LSAMP: variants seen among roughly 807,000 people sequenced by gnomAD.
LSAMP encodes the protein limbic system-associated membrane protein.
Under a neutral mutation model 38.6 loss-of-function variants are expected in LSAMP, and 7 were observed. That is an observed-to-expected ratio of 0.18 (90% confidence interval 0.10 to 0.34). The LOEUF (loss-of-function observed/expected upper bound fraction) is 0.34, where lower values mean the gene tolerates loss of function less well. Among genes scored for constraint, LSAMP ranks in the 10% least tolerant of loss-of-function variants. The pLI is 1.00. For missense variants in LSAMP, 313 were observed against 420.0 expected (o/e 0.75, Z 2.23); for synonymous variants, 154 against 166.8 (o/e 0.92, Z 0.59).
chr3:116,295,990 C>T (rs1379705735), intron 1 of LSAMP, among the ~76,000 whole-genome samples: 2 of 152,188 alleles, frequency 1.3e-5, no homozygotes, highest in East Asian at 3.9e-4. Context: ...CACTCATTCC[C>T]GCTAAGTTTA....
At chr3:115,853,678 G>C (rs902268636) in intron 3 of LSAMP, among the ~76,000 whole-genome samples, 3 of 152,154 alleles carry the variant, frequency 2.0e-5, no homozygotes, top group Non-Finnish European at 4.4e-5. Context: ...AAATGAGATT[G>C]GGTAGCAGGA....
At chr3:116,103,007 C>G (rs531886551) in intron 1 of LSAMP, among the ~76,000 whole-genome samples, 7 of 151,958 alleles carry the variant, frequency 4.6e-5, no homozygotes, top group Non-Finnish European at 2.9e-5. Context: ...TACCCACCCC[C>G]CCAAAAAAAA....
intron 1 of LSAMP, among the ~76,000 whole-genome samples, chr3:116,097,422 A>G (rs1431467539): frequency 6.6e-6 from 1 of 152,214 alleles, no homozygotes; most frequent in Non-Finnish European, 1.5e-5. Context: ...GTCTTGTCAT[A>G]TATGCCATTA....
intron 1 of LSAMP, among the ~76,000 whole-genome samples, chr3:116,368,454 T>C (rs1303057469): frequency 6.6e-6 from 1 of 152,156 alleles, no homozygotes; most frequent in Non-Finnish European, 1.5e-5. Context: ...TTAATATCCA[T>C]TGCTGACAGT....
intron 2 of LSAMP, among the ~76,000 whole-genome samples, chr3:116,021,356 T>A (rs187756175): frequency 1.3e-5 from 2 of 152,130 alleles, no homozygotes; most frequent in African/African-American, 4.8e-5. Flanking sequence ...TGATGGCTTG[T>A]TAAGGATGAG....
chr3:115,972,561 A>G (rs1230588177), intron 3 of LSAMP, among the ~76,000 whole-genome samples: 4 of 151,652 alleles, frequency 2.6e-5, no homozygotes, highest in Admixed American at 1.3e-4. Flanking sequence ...TTTGAATTCA[A>G]ATAAAATTCA....
chr3:115,852,319 C>T (rs1488975657), intron 4 of LSAMP, among the ~76,000 whole-genome samples, 164 bp downstream of exon 4: 1 of 152,206 alleles, frequency 6.6e-6, no homozygotes, highest in East Asian at 1.9e-4. Flanking sequence ...AATTCAAAGA[C>T]CAAGTCCTGC....
At chr3:115,853,292 C>G (rs1184587845) in intron 3 of LSAMP, among the ~76,000 whole-genome samples, 1 of 152,212 alleles carries the variant, frequency 6.6e-6, no homozygotes, top group African/African-American at 2.4e-5. Flanking sequence ...TGTTCTATAT[C>G]AAACTACATC....
chr3:116,409,318 G>T (rs1407342817), intron 1 of LSAMP, among the ~76,000 whole-genome samples: 1 of 151,998 alleles, frequency 6.6e-6, no homozygotes, highest in Non-Finnish European at 1.5e-5. Flanking sequence ...ACTGCTGAGG[G>T]ACATCTCAAG....
intron 1 of LSAMP, among the ~76,000 whole-genome samples, chr3:116,286,368 A>G (rs565764685): frequency 2.6e-4 from 39 of 152,318 alleles, no homozygotes; most frequent in African/African-American, 9.4e-4. Flanking sequence ...GCTGGGGTTA[A>G]CAGGGTTTCC....
At chr3:115,839,904 A>G (rs1271151516) in intron 6 of LSAMP, among the ~76,000 whole-genome samples, 1 of 152,176 alleles carries the variant, frequency 6.6e-6, no homozygotes, top group Non-Finnish European at 1.5e-5. Context: ...GATTCTTGAC[A>G]TTTCTCAATT....
chr3:116,004,354 A>T (rs1266275936), intron 3 of LSAMP, among the ~76,000 whole-genome samples: 2 of 151,978 alleles, frequency 1.3e-5, no homozygotes, highest in Non-Finnish European at 2.9e-5. Flanking sequence ...TAAAACTAGT[A>T]ATAAAAATAA....
At chr3:115,900,983 A>G (rs920737187) in intron 3 of LSAMP, among the ~76,000 whole-genome samples, 1 of 152,102 alleles carries the variant, frequency 6.6e-6, no homozygotes, top group African/African-American at 2.4e-5. Context: ...TGGCAAAAAC[A>G]AGTTTCATTT....
chr3:116,302,448 C>T (rs541150103), intron 1 of LSAMP, among the ~76,000 whole-genome samples: 14 of 152,268 alleles, frequency 9.2e-5, no homozygotes, highest in Non-Finnish European at 1.6e-4. Flanking sequence ...AACTCCACCC[C>T]CTATGACACA....
chr3:116,129,003 A>G (rs1412849138), intron 1 of LSAMP, among the ~76,000 whole-genome samples: 1 of 152,194 alleles, frequency 6.6e-6, no homozygotes, highest in African/African-American at 2.4e-5. Flanking sequence ...TGAAAAATAT[A>G]AAATCACAAA....
At chr3:115,859,548 GAC>G (rs149841731) in intron 3 of LSAMP, among the ~76,000 whole-genome samples, 2,270 of 152,256 alleles carry the variant, frequency 0.015, 52 homozygotes, top group African/African-American at 0.052. Context: ...TGAATAATAA[GAC>G]ACAACAGGGG....
intron 1 of LSAMP, among the ~76,000 whole-genome samples, chr3:116,159,717 C>T (rs1486587628): frequency 6.6e-6 from 1 of 151,908 alleles, no homozygotes; most frequent in African/African-American, 2.4e-5. Flanking sequence ...TTAGATCTAC[C>T]ATTATTGGAT....
At chr3:115,905,137 T>G (rs994349156) in intron 3 of LSAMP, among the ~76,000 whole-genome samples, 4 of 152,122 alleles carry the variant, frequency 2.6e-5, no homozygotes, top group African/African-American at 9.7e-5. Context: ...TAGAATCCTG[T>G]ATCTATGGGA....
chr3:115,934,029 T>G (rs187694044), intron 3 of LSAMP, among the ~76,000 whole-genome samples: 1 of 152,298 alleles, frequency 6.6e-6, no homozygotes, highest in African/African-American at 2.4e-5. Context: ...GAAAAGTTTT[T>G]GCTATGGAAA....
Sources: allele counts gnomAD v4.1 joint callset (sites outside exome capture counted in the v4.1 genomes callset), GRCh38; gene constraint gnomAD v4.1.1; transcripts MANE v1.5; gene names NCBI Gene and HGNC (gene_info 2026-07-23, HGNC 2026-07-21).